The following FRYL variants were observed in gnomAD, a reference collection of about 807,000 sequenced individuals.
FRYL encodes the protein FRY like transcription coactivator, also known as protein furry homolog-like.
FRYL carries 150 observed loss-of-function variants against 351.2 expected under a neutral mutation model. The ratio of observed to expected loss-of-function variants is 0.43; its 90% confidence interval spans 0.37 to 0.49. The LOEUF is 0.49. Among genes scored for constraint, FRYL ranks in the 20% least tolerant of loss-of-function variants. The pLI is 0.00. For missense variants in FRYL, 3,036 were observed against 3,619.3 expected (o/e 0.84, Z 4.13); for synonymous variants, 1,153 against 1,257.1 (o/e 0.92, Z 1.75).
intron 11 of FRYL, among the ~76,000 whole-genome samples, chr4:48,603,615 C>A (rs1423035918): frequency 6.6e-6 from 1 of 152,182 alleles, no homozygotes; most frequent in Non-Finnish European, 1.5e-5. Context: ...CACAGTATAA[C>A]AGGTCCACTG....
chr4:48,774,053 T>A (rs778568984), intron 1 of FRYL, among the ~76,000 whole-genome samples: 5 of 152,224 alleles, frequency 3.3e-5, no homozygotes, highest in Admixed American at 3.3e-4. Flanking sequence ...GTACATTTAA[T>A]AAAATGTTAT....
chr4:48,581,283 C>T lies in FRYL; in HGVS notation c.2172+137G>A, dbSNP rs561268378. The T allele has an allele frequency of 9.9e-5, 65 of 653,550 alleles. No homozygotes were observed. The Admixed American group carries it at 1.1e-3, about 11-fold the overall frequency. 40.5% of individuals were successfully genotyped at this position (653,550 alleles called of 1,614,324 possible). On this transcript the variant is annotated intron_variant, in intron 21 of 63. Transcript: ENST00000358350. ...CGATCTCCTGATCTCGTGATCCGCC[C>T]GACTCGGCCTCCCAATTGAGAACGG...
At chr4:48,596,052 A>C in intron 13 of FRYL, 52 bp from the exon 14 acceptor site, 1 of 1,159,656 alleles carries the variant, frequency 8.6e-7, no homozygotes, top group Middle Eastern at 2.0e-4. Context: ...CAATCACTTA[A>C]CAGCAAACAT....
At chr4:48,761,289 C>T (rs1774397415) in intron 1 of FRYL, among the ~76,000 whole-genome samples, 1 of 152,048 alleles carries the variant, frequency 6.6e-6, no homozygotes, top group African/African-American at 2.4e-5. Context: ...ATGTGACTAT[C>T]CAACATATTT....
Position 48,547,394 on chromosome 4 carries a change from G to A in FRYL, c.5074+190C>T, listed in dbSNP as rs139377937. 5.8e-3 allele frequency: 2,337 copies of A among 404,798 alleles called. 12 individuals are homozygous for A. The highest frequency in any genetic ancestry group is 7.6e-3 in the Non-Finnish European group (1,748 of 228,586). The allele number at this position is 404,798 out of a possible 1,614,324, so 25.1% of individuals were successfully genotyped here. On this transcript the variant is annotated intron_variant, in intron 41 of 63. Coordinates refer to ENST00000358350, the MANE Select transcript of FRYL (RefSeq NM_015030.2). ...GATAAAGATCGTTCGAGGTAATGCA[G>A]ACTCAAATATTTTAAATTTAATCCC...
chr4:48,588,049 A>G (rs1273424219), intron 18 of FRYL, among the ~76,000 whole-genome samples: 3 of 152,224 alleles, frequency 2.0e-5, no homozygotes, highest in Admixed American at 2.0e-4. Context: ...TTTGGTCCAT[A>G]AAGCACCATG....
At chr4:48,640,622 G>C (rs1755133391) in intron 3 of FRYL, among the ~76,000 whole-genome samples, 1 of 152,108 alleles carries the variant, frequency 6.6e-6, no homozygotes, top group Non-Finnish European at 1.5e-5. Context: ...GCAACCCAAA[G>C]AGTTAACTGG....
chr4:48,668,914 T>C (rs925923678), intron 3 of FRYL, among the ~76,000 whole-genome samples: 21 of 152,250 alleles, frequency 1.4e-4, no homozygotes, highest in Non-Finnish European at 2.8e-4. Context: ...CTGAATTCCC[T>C]TTATAGCATT....
intron 7 of FRYL, 96 bp downstream of exon 7, chr4:48,619,178 A>G: frequency 1.2e-6 from 1 of 806,592 alleles, no homozygotes; most frequent in Non-Finnish European, 2.1e-6. Context: ...TATGTGGGCT[A>G]AAATTCTAGA....
At chr4:48,773,984 G>A (rs1354302423) in intron 1 of FRYL, among the ~76,000 whole-genome samples, 1 of 152,158 alleles carries the variant, frequency 6.6e-6, no homozygotes, top group Non-Finnish European at 1.5e-5. Context: ...AAGGAATGAT[G>A]TACTTGAATC....
Position 48,603,351 on chromosome 4 carries a change from T to C in FRYL, c.872A>G (p.Asn291Ser). 6.2e-7 allele frequency: 1 copy of C among 1,612,396 alleles called. No homozygotes were observed. The highest frequency in any genetic ancestry group is 1.7e-5 in the Admixed American group (1 of 59,734). ...KNEVNVPCLK[N>S]FVEMLYQTTF... ...AGTCTGATAAAGCATCTCCACAAAA[T>C]TTTTCAAACAGGGAACATTCACTTC... Residue 291 changes from asparagine (N) to serine (S), a missense_variant, in exon 12 of 64, where the codon AAT becomes AGT. Asn to Ser is a conservative substitution (Grantham distance 46, BLOSUM62 1). This residue lies in a region of FRYL where 457 missense variants were observed against 566.6 expected (regional missense o/e 0.81). Coordinates refer to ENST00000358350, the MANE Select transcript of FRYL (RefSeq NM_015030.2).
intron 15 of FRYL, 23 bp from the exon 16 acceptor site, chr4:48,594,039 T>C (rs1321094604): frequency 2.6e-6 from 3 of 1,164,710 alleles, no homozygotes; most frequent in East Asian, 5.5e-5. Flanking sequence ...AAAATCCTTA[T>C]AACTTGCTAC....
intron 26 of FRYL, chr4:48,571,877 G>GA: frequency 9.1e-6 from 9 of 985,152 alleles, no homozygotes; most frequent in Non-Finnish European, 1.1e-5. Context: ...ATCACTGCAT[G>GA]TGTTTAATAG....
chr4:48,559,409 T>G (rs887786089), intron 33 of FRYL, among the ~76,000 whole-genome samples: 1 of 140,720 alleles, frequency 7.1e-6, no homozygotes, highest in African/African-American at 2.7e-5. Flanking sequence ...ACTTAAGATA[T>G]GGGGCTGGGT....
intron 4 of FRYL, among the ~76,000 whole-genome samples, chr4:48,632,106 A>ATATG (rs1553957648): frequency 0.015 from 884 of 58,014 alleles, 37 homozygotes; most frequent in African/African-American, 0.037. Flanking sequence ...ATATATATAT[A>ATATG]TATATATATA....
At chr4:48,577,986 T>C (rs1490915291) in intron 23 of FRYL, among the ~76,000 whole-genome samples, 2 of 151,380 alleles carry the variant, frequency 1.3e-5, no homozygotes, top group Non-Finnish European at 2.9e-5. Flanking sequence ...TATATACATA[T>C]ATATATATTC....
At chr4:48,774,566 GAA>G (rs1429230723) in intron 1 of FRYL, among the ~76,000 whole-genome samples, 1 of 148,210 alleles carries the variant, frequency 6.7e-6, no homozygotes, top group African/African-American at 2.5e-5. Flanking sequence ...TTTTTTTGGA[GAA>G]GGAATCTTGC....
chr4:48,631,740 G>T (rs1253202963), intron 4 of FRYL, among the ~76,000 whole-genome samples: 1 of 151,870 alleles, frequency 6.6e-6, no homozygotes, highest in African/African-American at 2.4e-5. Context: ...GGATGACTAA[G>T]TTAGAGGGAA....
intron 6 of FRYL, among the ~76,000 whole-genome samples, chr4:48,620,379 C>G (rs1211434364): frequency 1.3e-5 from 2 of 152,132 alleles, no homozygotes; most frequent in Non-Finnish European, 2.9e-5. Context: ...AATGGCACTC[C>G]TAAATAGGTT....
Sources: allele counts gnomAD v4.1 joint callset (sites outside exome capture counted in the v4.1 genomes callset), GRCh38; gene constraint gnomAD v4.1.1; regional missense constraint gnomAD v4.1.1; transcripts MANE v1.5; gene names NCBI Gene and HGNC (gene_info 2026-07-23, HGNC 2026-07-21).